Variants in IL4I1 observed in about 807,000 individuals in gnomAD.
IL4I1 encodes the protein L-amino-acid oxidase.
A neutral mutation model predicts 29.7 loss-of-function variants in IL4I1; 24 were observed. The observed-to-expected ratio is 0.81, with a 90% CI of 0.59 to 1.14. The LOEUF is 1.14. Among genes scored for constraint, IL4I1 ranks in the 50% most tolerant of loss-of-function variants. IL4I1 has a pLI of 0.00. For missense variants in IL4I1, 686 were observed against 785.6 expected, an observed-to-expected ratio of 0.87 and a Z score of 1.52; for synonymous variants, 371 against 352.5, an observed-to-expected ratio of 1.05 and a Z score of -0.59.
chr19:49,911,411 G>A (rs972625788), intron 2 of IL4I1: 1 of 152,226 alleles, frequency 6.6e-6, no homozygotes, highest in African/African-American at 2.4e-5. Flanking sequence ...AGACTGAGAA[G>A]CCAAGTGCCT....
At chr19:49,909,821 G>A (rs2075417561) in intron 2 of IL4I1, 1 of 1,613,344 alleles carries the variant, frequency 6.2e-7, no homozygotes. Flanking sequence ...TCCGGACTCT[G>A]GTGGCGGCAG....
At chr19:49,925,993 G>A (rs977540034) in intron 2 of IL4I1, among the ~76,000 whole-genome samples, 2 of 151,692 alleles carry the variant, frequency 1.3e-5, no homozygotes, top group Non-Finnish European at 2.9e-5. Context: ...GGCAGATCAC[G>A]AGGTCATGAG....
In IL4I1 at chr19:49,921,508, C is replaced by G. The variant is rs1379984590; in HGVS notation, c.-228+6186G>C. Among the ~76,000 whole-genome samples the G allele has an allele frequency of 6.6e-6, 1 of 152,218 alleles. No individual in the cohort carries two copies. Among genetic ancestry groups the G allele is most frequent in the Non-Finnish European group, 1.5e-5 (1 of 68,040 alleles). On this transcript the variant is annotated intron_variant, in intron 2 of 9. Coordinates refer to the IL4I1 transcript ENST00000341114. This position sits in a 1 kb window ranked among gnomAD's most constrained non-coding sequence, Gnocchi z 5.4. ...GCCCGCCCCAGCTGCAGACGATGGC[C>G]TGAGACGCCTGCAGGGAAGAGAGGG...
rs144664411 is a variant in IL4I1, at chr19:49,908,290, G to A, written c.-227-3969C>T. 6,783 of 1,613,882 alleles carry A rather than the reference G, an allele frequency of 4.2e-3. 22 individuals carry two copies. The highest frequency in any genetic ancestry group is 5.0e-3 in the Non-Finnish European group (5,939 of 1,180,020). On this transcript the variant is annotated intron_variant, in intron 2 of 9. Coordinates refer to the IL4I1 transcript ENST00000341114. ...GCTCCTGCTCCTTGCGCCGGCCCTC[G>A]CACACCTTGGTCACCTCCTCCACCT...
chr19:49,895,008 G>A, intron 4 of IL4I1, 60 bp downstream of exon 4: 1 of 1,304,090 alleles, frequency 7.7e-7, no homozygotes, highest in Non-Finnish European at 1.1e-6. Flanking sequence ...CTCTGGTGTG[G>A]GCATGGAGCT....
chr19:49,917,583 C>T (rs2122692643), intron 2 of IL4I1: 1 of 152,302 alleles, frequency 6.6e-6, no homozygotes, highest in Admixed American at 6.5e-5. Context: ...GGGTCAGGGT[C>T]TGGGTTATGT....
chr19:49,909,580 A>G, intron 2 of IL4I1: 2 of 1,614,216 alleles, frequency 1.2e-6, no homozygotes, highest in Non-Finnish European at 1.7e-6. Context: ...TCGCTGTTCC[A>G]AAAGTGAAGC....
chr19:49,905,262 G>T (rs2075307013), intron 2 of IL4I1, among the ~76,000 whole-genome samples: 1 of 152,234 alleles, frequency 6.6e-6, no homozygotes, highest in South Asian at 2.1e-4. Context: ...TCATGATTGT[G>T]TGGCCCCTGC....
At chr19:49,909,574 T>C (rs1318364484) in intron 2 of IL4I1, 1 of 1,614,152 alleles carries the variant, frequency 6.2e-7, no homozygotes, top group East Asian at 2.2e-5. Flanking sequence ...CAAGAGTCGC[T>C]GTTCCAAAAG....
chr19:49,917,261 C>T (rs1264029251), intron 2 of IL4I1, among the ~76,000 whole-genome samples: 1 of 152,234 alleles, frequency 6.6e-6, no homozygotes, highest in Non-Finnish European at 1.5e-5. Flanking sequence ...ACTGCCTTCC[C>T]TCACTTGCCC....
At chr19:49,915,036 G>A (rs1000193604) in intron 2 of IL4I1, among the ~76,000 whole-genome samples, 11 of 151,954 alleles carry the variant, frequency 7.2e-5, no homozygotes, top group South Asian at 2.1e-4. Context: ...CACTGTGCCC[G>A]GCCCCCAACC....
At chr19:49,909,361 C>T (rs778854417) in intron 2 of IL4I1, 15 of 1,613,408 alleles carry the variant, frequency 9.3e-6, no homozygotes, top group Admixed American at 1.7e-5. Context: ...TAGCTGGAGC[C>T]ACAGAGGTGG....
chr19:49,909,161 C>T (rs2122600551), intron 2 of IL4I1: 2 of 1,613,464 alleles, frequency 1.2e-6, no homozygotes, highest in East Asian at 2.2e-5. Flanking sequence ...GGGCCCAGTG[C>T]TGGTGATGGT....
At chr19:49,920,520 TCAACCAAC>T (rs981336278) in intron 2 of IL4I1, among the ~76,000 whole-genome samples, 4 of 152,134 alleles carry the variant, frequency 2.6e-5, no homozygotes, top group African/African-American at 9.7e-5. Flanking sequence ...ATAAAGCCAC[TCAACCAAC>T]CAACCGACCA....
chr19:49,895,939 T>C lies in IL4I1; in HGVS notation c.128A>G (p.Glu43Gly). 2 of 1,614,174 alleles carry C rather than the reference T, an allele frequency of 1.2e-6. No homozygotes were observed. Among genetic ancestry groups the C allele is most frequent in the Non-Finnish European group, 1.7e-6 (2 of 1,180,026 alleles). Residue 43 changes from glutamate (E) to glycine (G), a missense_variant, in exon 3 of 8, where the codon GAG becomes GGG. Coordinates refer to ENST00000391826, the MANE Select transcript of IL4I1 (RefSeq NM_152899.2). ...CCAGGTCACCACCTTGAGCAGCTGC[T>C]CATAGTCAGGATCCTGCATGCATTT... The part of the protein sequence containing the change: ...FEKCMQDPDY[E>G]QLLKVVTWGL...
At chr19:49,905,830 T>C (rs903539396) in intron 2 of IL4I1, among the ~76,000 whole-genome samples, 2 of 152,182 alleles carry the variant, frequency 1.3e-5, no homozygotes, top group Admixed American at 6.5e-5. Flanking sequence ...CTCGAACTCC[T>C]GACCTCAGGT....
chr19:49,893,804 T>A (rs1056305022), intron 5 of IL4I1, among the ~76,000 whole-genome samples: 6 of 151,604 alleles, frequency 4.0e-5, no homozygotes, highest in Admixed American at 3.3e-4. Flanking sequence ...CTGGCCAAGA[T>A]GGTGAAACCC....
intron 2 of IL4I1, among the ~76,000 whole-genome samples, chr19:49,918,262 A>C (rs2075675921): frequency 6.6e-6 from 1 of 152,012 alleles, no homozygotes; most frequent in South Asian, 2.1e-4. Flanking sequence ...ATGGGGTCTC[A>C]CTATGTTGCC....
In IL4I1 at chr19:49,891,408, G is replaced by C. The variant is rs1260307242; in HGVS notation, c.633C>G (p.Leu211=). The C allele has an allele frequency of 6.2e-7, 1 of 1,613,856 alleles. No individual in the cohort carries two copies. The highest frequency in any genetic ancestry group is 1.3e-5 in the African/African-American group (1 of 74,924). ...KAMKKFERHT[L]LEYLLGEGNL... is the part of the protein sequence containing the mutation. ...CAGAACCAAGATCCCCACTTACCAA[G>C]AGCGTGTGCCTTTCAAACTTCTTCA... The change falls in exon 6 of 8, where the codon CTC becomes CTG. Residue 211 remains leucine, a synonymous_variant. Transcript: ENST00000391826.
Sources: gnomAD v4.1 joint callset for allele counts (sites outside exome capture counted in the v4.1 genomes callset) on GRCh38, gnomAD v4.1.1 for gene constraint, Gnocchi (gnomAD v3.1) non-coding constraint, MANE v1.5 for transcripts, NCBI Gene and HGNC (gene_info 2026-07-23, HGNC 2026-07-21) for gene names.